GALNTL6: variants seen among roughly 807,000 people sequenced by gnomAD.
GALNTL6 encodes the protein polypeptide N-acetylgalactosaminyltransferase-like 6.
In GALNTL6, 46 loss-of-function variants were observed where a neutral mutation model predicts 73.7. The ratio of observed to expected loss-of-function variants is 0.62; its 90% confidence interval spans 0.49 to 0.80. The LOEUF is 0.80. Among genes scored for constraint, GALNTL6 ranks in the 30% least tolerant of loss-of-function variants. GALNTL6 has a pLI of 0.00. For missense variants in GALNTL6, 604 were observed against 755.0 expected (o/e 0.80, Z 2.34); for synonymous variants, 259 against 263.7 (o/e 0.98, Z 0.17).
Position 172,282,006 on chromosome 4 carries a change from T to C in GALNTL6, c.248-29608T>C, listed in dbSNP as rs527583224. Among the ~76,000 whole-genome samples the C allele has an allele frequency of 9.1e-4, 138 of 152,242 alleles. 1 individual carries two copies. Among genetic ancestry groups the C allele is most frequent in the African/African-American group, 3.0e-3 (126 of 41,556 alleles). ...TAATTAAAATTGTCATAAAATTGAA[T>C]TTTAAAATGACACAAAAAGTACTGG... On this transcript the variant is annotated intron_variant, in intron 3 of 12. Transcript: ENST00000506823.
At chr4:171,926,214 C>T (rs972770364) in intron 2 of GALNTL6, among the ~76,000 whole-genome samples, 1 of 152,006 alleles carries the variant, frequency 6.6e-6, no homozygotes, top group African/African-American at 2.4e-5. Flanking sequence ...ATCAAACATA[C>T]TTATTTCATC....
chr4:171,906,930 G>A (rs146840834), intron 2 of GALNTL6, among the ~76,000 whole-genome samples: 1 of 152,212 alleles, frequency 6.6e-6, no homozygotes, highest in East Asian at 1.9e-4. Context: ...AAAGCCCTTT[G>A]GCAAAATTCA....
At position 172,150,838 on chromosome 4, in the gene GALNTL6, G is replaced by A. The variant is rs35657176; in HGVS notation, c.139-78818G>A. Among the ~76,000 whole-genome samples the A allele has an allele frequency of 2.3e-3, 346 of 152,262 alleles. 2 individuals are homozygous for A. The highest frequency in any genetic ancestry group is 7.4e-3 in the African/African-American group (306 of 41,556). ...TTTAAAATATTAATAATGTCTTATA[G>A]TACAATGTAAAAACATGTTGTATTT... On this transcript the variant is annotated intron_variant, in intron 2 of 12. Transcript: ENST00000506823.
intron 7 of GALNTL6, among the ~76,000 whole-genome samples, chr4:172,835,326 G>A (rs1742850723): frequency 6.6e-6 from 1 of 152,238 alleles, no homozygotes; most frequent in Non-Finnish European, 1.5e-5. Context: ...GCACTTGAGG[G>A]AGACCTCGAA....
At chr4:171,896,770 G>A (rs895320716) in intron 2 of GALNTL6, among the ~76,000 whole-genome samples, 3 of 152,108 alleles carry the variant, frequency 2.0e-5, no homozygotes, top group Non-Finnish European at 1.5e-5. Flanking sequence ...ATTTGAGGGG[G>A]ACAAAAACAT....
chr4:172,181,714 CT>C (rs1381006448), intron 2 of GALNTL6, among the ~76,000 whole-genome samples: 15 of 148,708 alleles, frequency 1.0e-4, no homozygotes, highest in African/African-American at 3.7e-4. Context: ...AGCCCCAAAT[CT>C]TCTTTTTTTT....
chr4:172,637,524 G>T (rs1180215201), intron 5 of GALNTL6, among the ~76,000 whole-genome samples: 1 of 152,046 alleles, frequency 6.6e-6, no homozygotes, highest in Non-Finnish European at 1.5e-5. Context: ...TATTAATCAC[G>T]TTGATTATCC....
intron 8 of GALNTL6, among the ~76,000 whole-genome samples, chr4:172,886,793 A>G (rs1429714446): frequency 6.6e-6 from 1 of 152,096 alleles, no homozygotes; most frequent in Non-Finnish European, 1.5e-5. Context: ...TTTACAGTTC[A>G]TTGATCTTTT....
rs1340415734 is a variant in GALNTL6, at chr4:172,453,066, T to A, written c.553+104377T>A. ...AAAATACAAAACTACCTGGGCGTGG[T>A]GGTACACACCTGTAGTCCCAGCTAC... is the stretch of plus-strand genomic sequence containing the variant. On this transcript the variant is annotated intron_variant, in intron 5 of 12. Coordinates refer to ENST00000506823, the MANE Select transcript of GALNTL6 (RefSeq NM_001034845.3). Among the ~76,000 whole-genome samples, 3 of 152,106 alleles carry A rather than the reference T, an allele frequency of 2.0e-5. No homozygotes were observed. In the South Asian group the frequency reaches 6.2e-4, roughly 32 times the overall value.
intron 2 of GALNTL6, among the ~76,000 whole-genome samples, chr4:171,934,744 C>T (rs920944763): frequency 2.6e-5 from 4 of 152,074 alleles, no homozygotes; most frequent in African/African-American, 4.8e-5. Flanking sequence ...TTTTCACTAA[C>T]GAAGTGGTTC....
intron 2 of GALNTL6, among the ~76,000 whole-genome samples, chr4:171,940,434 A>C (rs1738495078): frequency 6.6e-6 from 1 of 152,156 alleles, no homozygotes; most frequent in Admixed American, 6.5e-5. Flanking sequence ...TAAATGAATC[A>C]AGAACATAAT....
At chr4:172,767,594 T>A (rs1431666721) in intron 5 of GALNTL6, among the ~76,000 whole-genome samples, 1 of 152,042 alleles carries the variant, frequency 6.6e-6, no homozygotes, top group African/African-American at 2.4e-5. Flanking sequence ...AAACTAGAAA[T>A]GTATAACATT....
chr4:172,069,573 A>ATG lies in GALNTL6; in HGVS notation c.139-160081_139-160080dup, dbSNP rs1553989787. 7.5e-4 allele frequency among the ~76,000 whole-genome samples: 8 copies of ATG among 10,698 alleles called. 2 individuals are homozygous for ATG. The highest frequency in any genetic ancestry group is 9.1e-3 in the South Asian group (2 of 220). The allele number at this position is 10,698 out of a possible 152,430, so 7.0% of individuals were successfully genotyped here. On this transcript the variant is annotated intron_variant, in intron 2 of 12. Transcript: ENST00000506823. ...CATATATGTTATATATAACACATAT[A>ATG]TGTTATATATTATATATATAACACA...
At chr4:172,151,124 C>T (rs1734075629) in intron 2 of GALNTL6, among the ~76,000 whole-genome samples, 1 of 152,050 alleles carries the variant, frequency 6.6e-6, no homozygotes, top group Admixed American at 6.6e-5. Context: ...AGTTTGACAT[C>T]TGGTTACCAT....
At chr4:172,384,889 A>T (rs1561058462) in intron 5 of GALNTL6, among the ~76,000 whole-genome samples, 1 of 151,920 alleles carries the variant, frequency 6.6e-6, no homozygotes, top group African/African-American at 2.4e-5. Context: ...GAAATTATAG[A>T]CATGGGCCAC....
intron 5 of GALNTL6, among the ~76,000 whole-genome samples, chr4:172,420,477 T>G (rs1731012072): frequency 6.6e-6 from 1 of 152,170 alleles, no homozygotes; most frequent in Non-Finnish European, 1.5e-5. Flanking sequence ...AGTGATTTAG[T>G]ATGAATGTAA....
At chr4:171,957,984 C>A (rs1311074578) in intron 2 of GALNTL6, among the ~76,000 whole-genome samples, 1 of 152,146 alleles carries the variant, frequency 6.6e-6, no homozygotes, top group Non-Finnish European at 1.5e-5. Flanking sequence ...AATGAACCTG[C>A]ATGTAAAACG....
chr4:172,302,597 T>C lies in GALNTL6; in HGVS notation c.248-9017T>C, dbSNP rs111678383. On this transcript the variant is annotated intron_variant, in intron 3 of 12. Transcript: ENST00000506823. ...CTGTGGCATTCCTTTCTCACAATGC[T>C]CTTACCTGGCTTTGATATCAGATCC... 4.5e-3 allele frequency among the ~76,000 whole-genome samples: 687 copies of C among 152,324 alleles called. 6 individuals are homozygous for C. Among genetic ancestry groups the C allele is most frequent in the African/African-American group, 0.011 (466 of 41,582 alleles).
intron 5 of GALNTL6, among the ~76,000 whole-genome samples, chr4:172,687,214 A>T (rs1354656086): frequency 6.6e-6 from 1 of 152,166 alleles, no homozygotes. Context: ...GGTCTATAAT[A>T]ATAACAATAA....
Sources: gnomAD v4.1 joint callset for allele counts (sites outside exome capture counted in the v4.1 genomes callset) on GRCh38, gnomAD v4.1.1 for gene constraint, MANE v1.5 for transcripts, NCBI Gene and HGNC (gene_info 2026-07-23, HGNC 2026-07-21) for gene names.